The following SRGAP3 variants were observed in gnomAD, a reference collection of about 807,000 sequenced individuals.
The protein encoded by SRGAP3 is SLIT-ROBO Rho GTPase activating protein 3, also known as SLIT-ROBO Rho GTPase-activating protein 3.
A neutral mutation model predicts 121.1 loss-of-function variants in SRGAP3; 39 were observed. The observed-to-expected ratio is 0.32, with a 90% CI of 0.25 to 0.42. SRGAP3 has a LOEUF of 0.42. Ranked by LOEUF, SRGAP3 falls within the 10% of genes least tolerant of loss-of-function variation. The pLI, the probability that SRGAP3 is intolerant of heterozygous loss-of-function variation, is 1.00. For synonymous variants in SRGAP3, 601 were observed against 570.0 expected (o/e 1.05, Z -0.77); for missense variants, 1,213 against 1,470.6 (o/e 0.82, Z 2.86).
upstream of SRGAP3, among the ~76,000 whole-genome samples, chr3:9,252,400 C>T (rs759100620): frequency 3.3e-5 from 5 of 152,018 alleles, no homozygotes; most frequent in Non-Finnish European, 5.9e-5. Context: ...GCAGAGTGAG[C>T]CACCACACCC....
chr3:9,229,068 CAAAAAA>C (rs61231273), intron 1 of SRGAP3, among the ~76,000 whole-genome samples: 2 of 74,090 alleles, frequency 2.7e-5, no homozygotes, highest in East Asian at 4.1e-4. Flanking sequence ...GACTCCGTCT[CAAAAAA>C]AAAAAAAAAA....
intron 3 of SRGAP3, among the ~76,000 whole-genome samples, chr3:9,093,676 T>A (rs1575064555): frequency 6.6e-6 from 1 of 152,176 alleles, no homozygotes; most frequent in Non-Finnish European, 1.5e-5. Flanking sequence ...CTTTCACCAC[T>A]AATATGTATA....
intron 1 of SRGAP3, among the ~76,000 whole-genome samples, chr3:9,220,613 A>G (rs1952781979): frequency 6.6e-6 from 1 of 152,150 alleles, no homozygotes; most frequent in Non-Finnish European, 1.5e-5. Flanking sequence ...AAACAAGAGT[A>G]CTCTCCACAA....
At chr3:9,090,090 A>T (rs1947686547) in intron 3 of SRGAP3, among the ~76,000 whole-genome samples, 2 of 152,142 alleles carry the variant, frequency 1.3e-5, no homozygotes, top group South Asian at 2.1e-4. Flanking sequence ...ATTTGAAAAA[A>T]TACTAACGTA....
At chr3:9,312,138 G>GT (rs1019538150) in intron 3 of SRGAP3, among the ~76,000 whole-genome samples, 25 of 152,278 alleles carry the variant, frequency 1.6e-4, no homozygotes, top group African/African-American at 6.0e-4. Context: ...TGTTTATGTT[G>GT]TTTTTTGTTG....
chr3:9,176,025 G>A (rs185498137), intron 1 of SRGAP3, among the ~76,000 whole-genome samples: 95 of 152,242 alleles, frequency 6.2e-4, no homozygotes, highest in Admixed American at 1.2e-3. Context: ...GGGTTCAAGC[G>A]ATTCTCCCAC....
chr3:9,027,736 G>A (rs1300121935), intron 12 of SRGAP3, among the ~76,000 whole-genome samples: 1 of 152,186 alleles, frequency 6.6e-6, no homozygotes, highest in Non-Finnish European at 1.5e-5. Flanking sequence ...TATGGCGGAG[G>A]GGAAACATTT....
At chr3:9,038,795 A>G (rs1170012556) in intron 10 of SRGAP3, among the ~76,000 whole-genome samples, 1 of 152,112 alleles carries the variant, frequency 6.6e-6, no homozygotes, top group Non-Finnish European at 1.5e-5. Context: ...TGGGGGCCTT[A>G]GTTTCTGCAG....
chr3:9,204,678 T>C (rs955484295), intron 1 of SRGAP3, among the ~76,000 whole-genome samples: 11 of 151,708 alleles, frequency 7.3e-5, no homozygotes, highest in African/African-American at 2.2e-4. Flanking sequence ...CCTAAGTGAA[T>C]GCATGATTTT....
intron 1 of SRGAP3, among the ~76,000 whole-genome samples, chr3:9,352,913 C>A (rs1217644914): frequency 6.6e-6 from 1 of 152,170 alleles, no homozygotes. Flanking sequence ...TGTTGTTGTT[C>A]CCTGAGTGTC....
chr3:9,063,797 T>C (rs13324911), intron 5 of SRGAP3, among the ~76,000 whole-genome samples: 11,041 of 152,182 alleles, frequency 0.073, 1,363 homozygotes, highest in African/African-American at 0.25. Context: ...ACGTGGCATT[T>C]TCAAAACCCA....
intron 1 of SRGAP3, among the ~76,000 whole-genome samples, chr3:9,332,111 T>C (rs1955618881): frequency 7.3e-6 from 1 of 136,456 alleles, no homozygotes; most frequent in South Asian, 2.7e-4. Context: ...AGCCCTTTCA[T>C]TGAGGTTATT....
intron 1 of SRGAP3, among the ~76,000 whole-genome samples, chr3:9,214,011 TG>T (rs1479600070): frequency 6.6e-6 from 1 of 152,138 alleles, no homozygotes. Context: ...TTCATTGCTC[TG>T]TTTTATTTTC....
intron 2 of SRGAP3, among the ~76,000 whole-genome samples, chr3:9,111,834 G>A (rs1434453608): frequency 3.9e-5 from 6 of 152,208 alleles, no homozygotes; most frequent in Non-Finnish European, 8.8e-5. Context: ...TGACCCTTCC[G>A]CTTCTCCAAT....
At chr3:9,183,051 C>A (rs150181648) in intron 1 of SRGAP3, among the ~76,000 whole-genome samples, 1 of 151,864 alleles carries the variant, frequency 6.6e-6, no homozygotes, top group African/African-American at 2.4e-5. Context: ...CTTCTGTCAC[C>A]CAAACTCACC....
chr3:9,136,006 A>T (rs891862843), intron 1 of SRGAP3, among the ~76,000 whole-genome samples: 2 of 152,206 alleles, frequency 1.3e-5, no homozygotes, highest in Non-Finnish European at 2.9e-5. Context: ...GTAGTCATGG[A>T]CCGTGAGCAC....
At position 9,053,191 on chromosome 3, in the gene SRGAP3, A is replaced by G; in HGVS notation, c.1159T>C (p.Leu387=). 6 of 1,614,152 alleles carry G rather than the reference A, an allele frequency of 3.7e-6. No individual in the cohort carries two copies. Among genetic ancestry groups the G allele is most frequent in the Non-Finnish European group, 5.1e-6 (6 of 1,180,018 alleles). ...TCCTCCACAGTCAGCATGTCCTGTA[A>G]TGTCTGCATGGTGGCATCCAGGGTT... ...RKTLDATMQT[L]QDMLTVEDFD... is the part of the protein sequence containing the mutation. The change falls in exon 9 of 22, where the codon TTA becomes CTA. Residue 387 remains leucine, a synonymous_variant. Transcript: ENST00000383836.
At chr3:9,266,500 T>C (rs539524192) in intron 3 of SRGAP3, among the ~76,000 whole-genome samples, 268 of 152,266 alleles carry the variant, frequency 1.8e-3, no homozygotes, top group African/African-American at 6.4e-3. Context: ...CCTACAACTA[T>C]GCCTGACATA....
intron 3 of SRGAP3, among the ~76,000 whole-genome samples, chr3:9,099,024 A>T (rs1474708106): frequency 6.6e-6 from 1 of 152,020 alleles, no homozygotes; most frequent in Non-Finnish European, 1.5e-5. Flanking sequence ...CAGCATGCAA[A>T]CACTCACTCC....
Sources: allele counts gnomAD v4.1 joint callset (sites outside exome capture counted in the v4.1 genomes callset), GRCh38; gene constraint gnomAD v4.1.1; transcripts MANE v1.5; gene names NCBI Gene and HGNC (gene_info 2026-07-23, HGNC 2026-07-21).